Variants in RANBP2 observed in about 807,000 individuals in gnomAD.
The protein encoded by RANBP2 is E3 SUMO-protein ligase RanBP2.
RANBP2 carries 57 observed loss-of-function variants against 303.6 expected under a neutral mutation model. The ratio of observed to expected loss-of-function variants is 0.19; its 90% CI spans 0.15 to 0.23. The LOEUF (loss-of-function observed/expected upper bound fraction) is 0.23. Among genes scored for constraint, RANBP2 ranks in the 10% least tolerant of loss-of-function variants. RANBP2 has a pLI of 1.00. For synonymous variants in RANBP2, 1,167 were observed against 1,301.5 expected (o/e 0.90, Z 2.23); for missense variants, 3,138 against 3,780.8 (o/e 0.83, Z 4.46).
At chr2:108,924,393 G>A in the RANBP2 span, among the ~76,000 whole-genome samples, 65 of 152,242 alleles carry the variant, frequency 4.3e-4, no homozygotes, top group African/African-American at 1.5e-3. Flanking sequence ...TCCTAGCCTG[G>A]GCCCATTTTC....
the RANBP2 span, among the ~76,000 whole-genome samples, chr2:109,087,100 C>T: frequency 2.0e-5 from 3 of 152,126 alleles, no homozygotes; most frequent in Non-Finnish European, 4.4e-5. Flanking sequence ...ACTGAAAAAC[C>T]GCAAATTGTC....
chr2:109,620,166 G>C, the RANBP2 span, among the ~76,000 whole-genome samples: 6 of 152,018 alleles, frequency 3.9e-5, no homozygotes, highest in African/African-American at 1.5e-4. Flanking sequence ...ACTCAGTAAG[G>C]GTCTTTTAAT....
the RANBP2 span, among the ~76,000 whole-genome samples, chr2:109,002,201 A>G: frequency 6.6e-6 from 1 of 152,178 alleles, no homozygotes. Context: ...CCAATGCAGG[A>G]GGCCCCCAGA....
the RANBP2 span, chr2:109,490,555 G>A: frequency 1.5e-6 from 2 of 1,342,950 alleles, no homozygotes; most frequent in Non-Finnish European, 1.9e-6. Flanking sequence ...GACAGCAAGG[G>A]CATTGGGAAG....
At chr2:109,585,726 C>A in the RANBP2 span, 2 of 1,610,386 alleles carry the variant, frequency 1.2e-6, no homozygotes, top group South Asian at 2.2e-5. Context: ...CGTACCCACA[C>A]AGAGAATATT....
At chr2:109,054,907 C>T in the RANBP2 span, among the ~76,000 whole-genome samples, 29 of 152,290 alleles carry the variant, frequency 1.9e-4, no homozygotes, top group African/African-American at 6.0e-4. Flanking sequence ...AATAGGGTCT[C>T]TCGAGGTTCA....
the RANBP2 span, among the ~76,000 whole-genome samples, chr2:108,923,708 C>T: frequency 2.0e-5 from 3 of 152,244 alleles, no homozygotes; most frequent in East Asian, 5.8e-4. Flanking sequence ...TCTGGTTCCT[C>T]TCTCTGGTGG....
the RANBP2 span, among the ~76,000 whole-genome samples, chr2:109,249,576 C>CTTTCT: frequency 1.7e-5 from 2 of 116,918 alleles, no homozygotes; most frequent in East Asian, 2.2e-4. Flanking sequence ...TCCTTCCTTC[C>CTTTCT]TTCCTTCCTT....
the RANBP2 span, among the ~76,000 whole-genome samples, chr2:109,525,996 G>T: frequency 7.6e-4 from 116 of 152,190 alleles, no homozygotes; most frequent in East Asian, 0.021. Context: ...TGGGGAGGTG[G>T]TGTCACCCAG....
the RANBP2 span, among the ~76,000 whole-genome samples, chr2:109,688,703 C>T: frequency 8.2e-5 from 12 of 146,590 alleles, no homozygotes; most frequent in South Asian, 2.0e-3. Context: ...CTACTGAACC[C>T]GGCAGGCGGA....
the RANBP2 span, among the ~76,000 whole-genome samples, chr2:109,445,515 A>C: frequency 6.6e-6 from 1 of 152,270 alleles, no homozygotes; most frequent in South Asian, 2.1e-4. Context: ...AAAAATATTA[A>C]GTGTAAAGAA....
At chr2:108,727,255 A>G (rs1350025236) in intron 1 of RANBP2, among the ~76,000 whole-genome samples, 1 of 152,180 alleles carries the variant, frequency 6.6e-6, no homozygotes, top group Non-Finnish European at 1.5e-5. Flanking sequence ...TGACTTAGGA[A>G]AGAAAAAAGA....
chr2:108,879,164 G>T, the RANBP2 span, among the ~76,000 whole-genome samples: 2 of 152,190 alleles, frequency 1.3e-5, no homozygotes, highest in Non-Finnish European at 2.9e-5. Flanking sequence ...TAGAGACAGG[G>T]TTTTGCCATG....
At chr2:109,561,202 G>A in the RANBP2 span, among the ~76,000 whole-genome samples, 2 of 151,950 alleles carry the variant, frequency 1.3e-5, no homozygotes, top group East Asian at 3.9e-4. Context: ...ATCTTCTTCC[G>A]GAGTCTTACA....
the RANBP2 span, among the ~76,000 whole-genome samples, chr2:109,477,660 C>T: frequency 7.9e-4 from 120 of 151,690 alleles, 1 homozygote; most frequent in Non-Finnish European, 2.5e-4. Flanking sequence ...GGGGTGTCAG[C>T]AACAGGAGTG....
At position 108,766,142 on chromosome 2, in the gene RANBP2, ATTCACC is replaced by A; in HGVS notation, c.5608_5613del (p.Pro1870_Ser1871del). On this transcript the variant is annotated inframe_deletion, in exon 20 of 29. Coordinates refer to ENST00000283195, the MANE Select transcript of RANBP2 (RefSeq NM_006267.5). ...AAATTTGGGCATGTGGATCAAGAAA[ATTCACC>A]TTCATTTATGTTTCAGGGTTCTTCT... 1 of 1,613,400 alleles carries A rather than the reference ATTCACC, an allele frequency of 6.2e-7. No individual in the cohort carries two copies. The highest frequency in any genetic ancestry group is 2.2e-5 in the East Asian group (1 of 44,884).
the RANBP2 span, among the ~76,000 whole-genome samples, chr2:109,498,290 A>G: frequency 6.6e-6 from 1 of 152,130 alleles, no homozygotes; most frequent in Non-Finnish European, 1.5e-5. Flanking sequence ...GCGACCCAGA[A>G]CCTGGCCTGT....
chr2:109,078,266 GCGTA>G, the RANBP2 span, among the ~76,000 whole-genome samples: 275 of 54,808 alleles, frequency 5.0e-3, 21 homozygotes, highest in Middle Eastern at 0.018. Context: ...TATATATAGC[GCGTA>G]TATATATATA....
the RANBP2 span, among the ~76,000 whole-genome samples, chr2:108,875,026 T>TA: frequency 6.6e-6 from 1 of 151,706 alleles, no homozygotes. Flanking sequence ...TAGACTTAGA[T>TA]AAAAAAACAA....
Sources: gnomAD v4.1 joint callset for allele counts (sites outside exome capture counted in the v4.1 genomes callset) on GRCh38, gnomAD v4.1.1 for gene constraint, MANE v1.5 for transcripts, NCBI Gene and HGNC (gene_info 2026-07-23, HGNC 2026-07-21) for gene names.